The following HESX1 variants were observed in gnomAD, a reference collection of about 807,000 sequenced individuals.
HESX1 encodes homeobox expressed in ES cells 1.
Under a neutral mutation model 22.5 loss-of-function variants are expected in HESX1, and 11 were observed. The ratio of observed to expected loss-of-function variants is 0.49; its 90% CI spans 0.31 to 0.81. The LOEUF is 0.81. Among genes scored for constraint, HESX1 ranks in the 30% least tolerant of loss-of-function variants. The probability of loss-of-function intolerance (pLI) is 0.05; values close to 1 mark genes in which losing one functional copy is unlikely to be tolerated. For missense variants in HESX1, 201 were observed against 212.6 expected (o/e 0.95, Z 0.34); for synonymous variants, 74 against 76.5 (o/e 0.97, Z 0.17).
rs116152598 is a variant in HESX1 at position 57,218,101 on chromosome 3, T to C, written c.-111+8195A>G. Among the ~76,000 whole-genome samples, 457 of 152,348 alleles carry C rather than the reference T, an allele frequency of 3.0e-3. 1 individual carries two copies. The highest frequency in any genetic ancestry group is 0.011 in the African/African-American group (437 of 41,572). ...GAAAAACTATAAACCCATTTGTATTTATTTTTTAATTTTCATTTTTGGTTC... is the reference window on the plus strand; with the variant it reads ...GAAAAACTATAAACCCATTTGTATTCATTTTTTAATTTTCATTTTTGGTTC... On this transcript the variant is annotated intron_variant, in intron 1 of 2. Coordinates refer to the HESX1 transcript ENST00000495160.
chr3:57,221,510 T>C (rs1392301520), intron 1 of HESX1, among the ~76,000 whole-genome samples: 2 of 152,128 alleles, frequency 1.3e-5, no homozygotes, highest in Admixed American at 6.5e-5. Context: ...CTATTCTTTA[T>C]TTTACTATAT....
chr3:57,213,038 C>G (rs1318167205), intron 1 of HESX1, among the ~76,000 whole-genome samples: 1 of 151,934 alleles, frequency 6.6e-6, no homozygotes, highest in African/African-American at 2.4e-5. Context: ...ATGTGGTCCA[C>G]TCTCCCATAG....
chr3:57,223,261 G>T (rs149131966), intron 1 of HESX1, among the ~76,000 whole-genome samples: 7 of 152,306 alleles, frequency 4.6e-5, no homozygotes, highest in Non-Finnish European at 1.0e-4. Context: ...CCTCTCCACA[G>T]AAGGGCTATG....
chr3:57,201,931 T>TATG (rs2060491710), upstream of HESX1, among the ~76,000 whole-genome samples: 1 of 141,100 alleles, frequency 7.1e-6, no homozygotes, highest in South Asian at 2.3e-4. Context: ...ATCTATCTAT[T>TATG]TTTTTGAGAC....
At chr3:57,210,168 T>C (rs1206990314) in intron 1 of HESX1, among the ~76,000 whole-genome samples, 2 of 152,182 alleles carry the variant, frequency 1.3e-5, no homozygotes, top group African/African-American at 2.4e-5. Flanking sequence ...TACTTTGATA[T>C]GAGAAAGAAA....
upstream of HESX1, among the ~76,000 whole-genome samples, chr3:57,201,490 G>A (rs571260420): frequency 6.6e-6 from 1 of 151,622 alleles, no homozygotes; most frequent in Non-Finnish European, 1.5e-5. Flanking sequence ...AATTGGTTGA[G>A]CACCTTCTCA....
intron 1 of HESX1, among the ~76,000 whole-genome samples, chr3:57,206,254 A>G (rs2060518865): frequency 6.6e-6 from 1 of 152,214 alleles, no homozygotes; most frequent in Non-Finnish European, 1.5e-5. Context: ...GTGAAAGAAT[A>G]AATGATGGTC....
chr3:57,211,132 C>G (rs995396088), intron 1 of HESX1, among the ~76,000 whole-genome samples: 1 of 150,788 alleles, frequency 6.6e-6, no homozygotes, highest in African/African-American at 2.4e-5. Flanking sequence ...GCAGGCGAAT[C>G]GCTTGAACCC....
chr3:57,210,800 GT>G (rs1335013324), intron 1 of HESX1, among the ~76,000 whole-genome samples: 1 of 152,128 alleles, frequency 6.6e-6, no homozygotes, highest in Non-Finnish European at 1.5e-5. Flanking sequence ...TTTTTAATGT[GT>G]AAAGTAATCC....
chr3:57,204,684 A>T (rs1579354387), upstream of HESX1, among the ~76,000 whole-genome samples: 1 of 152,146 alleles, frequency 6.6e-6, no homozygotes, highest in Non-Finnish European at 1.5e-5. Context: ...CTGTAATCCC[A>T]GAACTTTGGG....
At chr3:57,211,858 A>G (rs2060556329) in intron 1 of HESX1, among the ~76,000 whole-genome samples, 1 of 151,984 alleles carries the variant, frequency 6.6e-6, no homozygotes, top group Non-Finnish European at 1.5e-5. Flanking sequence ...CAAGTTTAAA[A>G]TCTAAAAATC....
intron 1 of HESX1, among the ~76,000 whole-genome samples, chr3:57,223,518 A>G (rs988503876): frequency 2.6e-5 from 4 of 152,174 alleles, no homozygotes; most frequent in African/African-American, 7.2e-5. Context: ...GCAGTGGCAC[A>G]ATGAAGAACC....
intron 1 of HESX1, among the ~76,000 whole-genome samples, chr3:57,225,493 G>A (rs1409144861): frequency 6.6e-6 from 1 of 152,106 alleles, no homozygotes; most frequent in Non-Finnish European, 1.5e-5. Flanking sequence ...ACAGGCGTGT[G>A]CCACCATGCC....
intron 1 of HESX1, among the ~76,000 whole-genome samples, chr3:57,217,654 A>G (rs933395690): frequency 6.6e-6 from 1 of 151,992 alleles, no homozygotes; most frequent in Non-Finnish European, 1.5e-5. Context: ...TCTGAGGTAT[A>G]AGGCTCTGAG....
At chr3:57,209,336 T>C (rs2060538709) in intron 1 of HESX1, among the ~76,000 whole-genome samples, 1 of 152,108 alleles carries the variant, frequency 6.6e-6, no homozygotes, top group African/African-American at 2.4e-5. Flanking sequence ...TCTAGAAGTA[T>C]AGAACAATAC....
At chr3:57,203,632 G>A (rs148123496), upstream of HESX1, among the ~76,000 whole-genome samples, 3 of 152,174 alleles carry the variant, frequency 2.0e-5, no homozygotes, top group East Asian at 5.8e-4. Flanking sequence ...TCTGCTCACT[G>A]CAACCTCTAC....
chr3:57,222,053 CCT>C (rs1189796241), intron 1 of HESX1, among the ~76,000 whole-genome samples: 1 of 151,972 alleles, frequency 6.6e-6, no homozygotes, highest in Non-Finnish European at 1.5e-5. Flanking sequence ...ACAGCTGTTC[CCT>C]GAGGTAGTCT....
At chr3:57,207,838 G>A (rs1189682544) in intron 1 of HESX1, among the ~76,000 whole-genome samples, 2 of 152,184 alleles carry the variant, frequency 1.3e-5, no homozygotes, top group African/African-American at 4.8e-5. Flanking sequence ...CTCTGGATAA[G>A]TTAAAGAGCA....
rs781244863 is a variant in HESX1, at chr3:57,198,738, GA to G, written c.357+14del. ...AGCCTTTATATTATCATTATTGGGTGAAAAAACTTCCCACCTGGTTTTGAGT... is the reference window on the plus strand; with the variant it reads ...AGCCTTTATATTATCATTATTGGGTGAAAAACTTCCCACCTGGTTTTGAGT... On this transcript the variant is annotated intron_variant, in intron 2 of 3. Transcript: ENST00000295934. The G allele has an allele frequency of 4.3e-6, 7 of 1,611,962 alleles. No homozygotes were observed. Among genetic ancestry groups the G allele is most frequent in the Non-Finnish European group, 5.9e-6 (7 of 1,178,656 alleles).
Sources: allele counts gnomAD v4.1 joint callset (sites outside exome capture counted in the v4.1 genomes callset), GRCh38; gene constraint gnomAD v4.1.1; transcripts MANE v1.5; gene names NCBI Gene and HGNC (gene_info 2026-07-23, HGNC 2026-07-21).